SDAD1: variants seen among roughly 807,000 people sequenced by gnomAD.
SDAD1 encodes SDA1 domain containing 1, also known as protein SDA1 homolog.
A neutral mutation model predicts 100.3 loss-of-function variants in SDAD1; 79 were observed. That is an observed-to-expected ratio of 0.79 (90% confidence interval 0.66 to 0.95). The LOEUF (loss-of-function observed/expected upper bound fraction) is 0.95, where lower values mean the gene tolerates loss of function less well. SDAD1 is among the 40% of genes least tolerant of loss of function. SDAD1 has a pLI of 0.00. For missense variants in SDAD1, 790 were observed against 810.9 expected (o/e 0.97, Z 0.31); for synonymous variants, 267 against 271.4 (o/e 0.98, Z 0.16).
chr4:75,966,267 T>C (rs1050441743), intron 12 of SDAD1, among the ~76,000 whole-genome samples: 46 of 139,176 alleles, frequency 3.3e-4, no homozygotes, highest in African/African-American at 8.1e-4. Context: ...AATGAATGCA[T>C]ACACACACAC....
chr4:75,988,491 A>G (rs1731034563), intron 1 of SDAD1, among the ~76,000 whole-genome samples: 1 of 152,100 alleles, frequency 6.6e-6, no homozygotes, highest in South Asian at 2.1e-4. Flanking sequence ...CTAACTATCC[A>G]ATTTAAAACT....
chr4:75,970,213 T>C (rs1729785704), intron 10 of SDAD1, 96 bp downstream of exon 10: 2 of 995,934 alleles, frequency 2.0e-6, no homozygotes, highest in South Asian at 1.5e-5. Flanking sequence ...ATCTACTAAA[T>C]GCCAGGGATC....
At chr4:75,967,389 T>G in intron 11 of SDAD1, 55 bp from the exon 12 acceptor site, 1 of 1,503,334 alleles carries the variant, frequency 6.7e-7, no homozygotes, top group Non-Finnish European at 9.2e-7. Flanking sequence ...TGGAGTTCCA[T>G]TTCTTCTCAA....
At chr4:75,964,027 A>T (rs1300486427) in intron 14 of SDAD1, 108 bp downstream of exon 14, 1 of 728,750 alleles carries the variant, frequency 1.4e-6, no homozygotes, top group African/African-American at 1.9e-5. Flanking sequence ...ATTTTAAACC[A>T]ATTTTATAGA....
chr4:75,974,444 A>G (rs1253662012), intron 6 of SDAD1, among the ~76,000 whole-genome samples: 2 of 151,300 alleles, frequency 1.3e-5, no homozygotes, highest in South Asian at 4.2e-4. Flanking sequence ...GATCGGGGAC[A>G]GTGGCTCATT....
At position 75,976,232 on chromosome 4, in the gene SDAD1, A is replaced by G. The variant is rs543546062; in HGVS notation, c.406-237T>C. 6.2e-4 allele frequency among the ~76,000 whole-genome samples: 94 copies of G among 152,362 alleles called. 1 individual carries two copies. The highest frequency in any genetic ancestry group is 1.2e-3 in the Admixed American group (19 of 15,310). On this transcript the variant is annotated intron_variant, in intron 4 of 21. Transcript: ENST00000356260. ...AATACGGCACAATTCTCCTAGGTAT[A>G]TATCCTAGAAAATGAAAACATCAGT... is the stretch of plus-strand genomic sequence containing the variant.
At chr4:75,955,297 G>A (rs921494255) in intron 21 of SDAD1, among the ~76,000 whole-genome samples, 1 of 152,148 alleles carries the variant, frequency 6.6e-6, no homozygotes, top group Non-Finnish European at 1.5e-5. Flanking sequence ...ATAATAAATG[G>A]TGGTATATCC....
At position 75,990,737 on chromosome 4, in the gene SDAD1, G is replaced by A. The variant is rs763439531; in HGVS notation, c.90+15C>T. The stretch of plus-strand genomic sequence containing the variant: ...CACTATCCGGCCTCTAGCGTCTGCC[G>A]CGCCGCACTCCCACCTCCTCGATGT... On this transcript the variant is annotated intron_variant, in intron 1 of 21. Transcript: ENST00000356260. 4 of 1,613,640 alleles carry A rather than the reference G, an allele frequency of 2.5e-6. No individual in the cohort carries two copies. In the South Asian group the frequency reaches 4.4e-5, roughly 18 times the overall value.
intron 10 of SDAD1, 68 bp from the exon 11 acceptor site, chr4:75,969,467 G>A (rs1216785385): frequency 2.0e-5 from 21 of 1,033,106 alleles, no homozygotes; most frequent in South Asian, 1.1e-4. Flanking sequence ...TGTAACAGGC[G>A]TAGGAAAAGA....
chr4:75,961,142 T>C (rs759063974), intron 15 of SDAD1, 38 bp from the exon 16 acceptor site: 6 of 1,605,100 alleles, frequency 3.7e-6, no homozygotes, highest in African/African-American at 2.7e-5. Context: ...TTCTGGCCCA[T>C]AGAGTACAAT....
chr4:75,975,836 T>C lies in SDAD1; in HGVS notation c.486A>G (p.Gln162=). The stretch of plus-strand genomic sequence containing the variant: ...CTCTTAACATGGTGTACATGAAATT[T>C]TGCAATACCTGCAGAAAAGGAGGAG... ...HKNNKVNVVL[Q]NFMYTMLRDS... is the part of the protein sequence containing the mutation. Residue 162 remains glutamine, a synonymous_variant, in exon 6 of 22, where the codon CAA becomes CAG. Coordinates refer to ENST00000356260, the MANE Select transcript of SDAD1 (RefSeq NM_018115.4). 6.2e-7 allele frequency: 1 copy of C among 1,613,754 alleles called. No homozygotes were observed. The highest frequency in any genetic ancestry group is 8.5e-7 in the Non-Finnish European group (1 of 1,179,706).
At position 75,964,320 on chromosome 4, in the gene SDAD1, C is replaced by T. The variant is rs1015659022; in HGVS notation, c.1105-109G>A. The T allele has an allele frequency of 1.6e-5, 12 of 742,970 alleles. No homozygotes were observed. In the African/African-American group the frequency reaches 1.9e-4, roughly 12 times the overall value. The allele number at this position is 742,970 out of a possible 1,614,324, so 46.0% of individuals were successfully genotyped here. A position where few individuals can be genotyped will look rare whatever the true frequency, so the allele number is the denominator to read the frequency against. ...TCATAGTGGAAAACCCAGCCTTCCA[C>T]CTTCAGTTTAGGAATTGGAAGTAAT... On this transcript the variant is annotated intron_variant, in intron 13 of 21. Transcript: ENST00000356260.
intron 11 of SDAD1, 39 bp downstream of exon 11, chr4:75,969,257 T>C (rs1271985831): frequency 6.6e-7 from 1 of 1,512,716 alleles, no homozygotes; most frequent in Non-Finnish European, 9.1e-7. Flanking sequence ...TAAATTCTAC[T>C]TCAAATATTC....
intron 3 of SDAD1, among the ~76,000 whole-genome samples, chr4:75,979,010 A>AAAAAAAAAAAAAAAAG (rs1401690008): frequency 6.9e-6 from 1 of 145,090 alleles, no homozygotes; most frequent in Non-Finnish European, 1.5e-5. Flanking sequence ...AAAAAAAAAA[A>AAAAAAAAAAAAAAAAG]ATTCAGGGAA....
At chr4:75,968,382 TTTTC>T (rs1277920036) in intron 11 of SDAD1, among the ~76,000 whole-genome samples, 4 of 151,992 alleles carry the variant, frequency 2.6e-5, no homozygotes, top group African/African-American at 9.7e-5. Context: ...AGTGTTTTTC[TTTTC>T]TTTTCTTTTG....
chr4:75,970,399 A>G (rs1397774524), intron 9 of SDAD1, 21 bp from the exon 10 acceptor site: 2 of 1,583,456 alleles, frequency 1.3e-6, no homozygotes, highest in East Asian at 4.5e-5. Context: ...GAGGAAAAAC[A>G]TTTTCAGTCT....
intron 21 of SDAD1, among the ~76,000 whole-genome samples, chr4:75,954,692 C>T (rs919388206): frequency 6.6e-6 from 1 of 152,138 alleles, no homozygotes; most frequent in African/African-American, 2.4e-5. Context: ...AAAACAATGC[C>T]AGGTTGGGCT....
chr4:75,977,963 G>A (rs1730251299), intron 3 of SDAD1, among the ~76,000 whole-genome samples: 1 of 152,054 alleles, frequency 6.6e-6, no homozygotes, highest in Admixed American at 6.5e-5. Context: ...ATAAAAAGGA[G>A]GATCTAAGAA....
chr4:75,987,372 T>C (rs1730964137), intron 1 of SDAD1, among the ~76,000 whole-genome samples: 1 of 152,256 alleles, frequency 6.6e-6, no homozygotes, highest in South Asian at 2.1e-4. Flanking sequence ...TCTATTCATA[T>C]ACATTTCATA....
Sources: gnomAD v4.1 joint callset for allele counts (sites outside exome capture counted in the v4.1 genomes callset) on GRCh38, gnomAD v4.1.1 for gene constraint, MANE v1.5 for transcripts, NCBI Gene and HGNC (gene_info 2026-07-23, HGNC 2026-07-21) for gene names.